UBE2D2: variants seen among roughly 807,000 people sequenced by gnomAD.
The protein encoded by UBE2D2 is ubiquitin-conjugating enzyme E2 D2.
A neutral mutation model predicts 24.2 loss-of-function variants in UBE2D2; 2 were observed. The observed-to-expected ratio is 0.08, with a 90% CI of 0.03 to 0.26. UBE2D2 has a LOEUF of 0.26. UBE2D2 is among the 10% of genes least tolerant of loss of function. The pLI is 1.00. For missense variants in UBE2D2, 44 were observed against 177.6 expected, an observed-to-expected ratio of 0.25 and a Z score of 4.28; for synonymous variants, 58 against 56.5, an observed-to-expected ratio of 1.03 and a Z score of -0.12.
At chr5:139,533,680 A>C (rs1312206512) in intron 1 of UBE2D2, among the ~76,000 whole-genome samples, 1 of 152,060 alleles carries the variant, frequency 6.6e-6, no homozygotes, top group Non-Finnish European at 1.5e-5. Flanking sequence ...AAGAAAAGAA[A>C]AGGATTGATA....
At chr5:139,562,036 C>A in intron 1 of UBE2D2, 1 of 830,826 alleles carries the variant, frequency 1.2e-6, no homozygotes, top group Non-Finnish European at 1.8e-6. Context: ...CTCAGCGTTC[C>A]TCCCCGGCTG....
At chr5:139,550,560 C>T (rs970953221) in intron 1 of UBE2D2, among the ~76,000 whole-genome samples, 7 of 152,090 alleles carry the variant, frequency 4.6e-5, no homozygotes, top group African/African-American at 1.7e-4. Context: ...GGTTCTCTTC[C>T]ACGCTCACGC....
chr5:139,555,924 C>CAA (rs1168084041), intron 1 of UBE2D2, among the ~76,000 whole-genome samples: 108 of 9,322 alleles, frequency 0.012, 26 homozygotes, highest in Non-Finnish European at 0.017. Flanking sequence ...GACTCCATCT[C>CAA]AAAAAAAAAA....
intron 1 of UBE2D2, among the ~76,000 whole-genome samples, chr5:139,574,123 C>G (rs1189401458): frequency 6.8e-6 from 1 of 147,934 alleles, no homozygotes; most frequent in South Asian, 2.2e-4. Flanking sequence ...TCTTGTTGCC[C>G]AGGCTGGAGT....
chr5:139,545,503 T>C (rs1339559060), intron 1 of UBE2D2, among the ~76,000 whole-genome samples: 2 of 151,822 alleles, frequency 1.3e-5, no homozygotes, highest in African/African-American at 4.8e-5. Flanking sequence ...CTAGGCTCAC[T>C]GCAACTTCCG....
At position 139,561,585 on chromosome 5, in the gene UBE2D2, G is replaced by T; in HGVS notation, c.-207G>T. 1 of 426,150 alleles carries T rather than the reference G, an allele frequency of 2.3e-6. No homozygotes were observed. The allele number at this position is 426,150 out of a possible 1,614,324, so 26.4% of individuals were successfully genotyped here. On this transcript the variant is annotated 5_prime_UTR_variant, in exon 1 of 7. Coordinates refer to ENST00000398733, the MANE Select transcript of UBE2D2 (RefSeq NM_003339.3). ...GGCGGCGGCGAATAAAGGGGCCGCCGCCGGGTGATGCGGTGACCGCTGCGG... is the reference window on the plus strand; with the variant it reads ...GGCGGCGGCGAATAAAGGGGCCGCCTCCGGGTGATGCGGTGACCGCTGCGG...
chr5:139,624,196 T>C (rs1028833368), intron 6 of UBE2D2, among the ~76,000 whole-genome samples: 3 of 152,216 alleles, frequency 2.0e-5, no homozygotes, highest in African/African-American at 7.2e-5. Flanking sequence ...CCAAATTTCT[T>C]TTAAAAACAA....
intron 6 of UBE2D2, among the ~76,000 whole-genome samples, chr5:139,625,972 C>G: frequency 6.6e-6 from 1 of 152,196 alleles, no homozygotes; most frequent in Middle Eastern, 3.4e-3. Flanking sequence ...AAATGTTCTT[C>G]TGAAGCAATA....
In UBE2D2 at chr5:139,613,726, A is replaced by G. The variant is rs535557851; in HGVS notation, c.89-860A>G. ...GAAATTTTTTCTCCTTGTTAAAACC[A>G]GTCTTTCTTAATTTGAGTATTATCT... On this transcript the variant is annotated intron_variant, in intron 2 of 6. Coordinates refer to ENST00000398733, the MANE Select transcript of UBE2D2 (RefSeq NM_003339.3). 9.9e-5 allele frequency among the ~76,000 whole-genome samples: 15 copies of G among 152,250 alleles called. No homozygotes were observed. In the East Asian group the frequency reaches 2.7e-3, roughly 27 times the overall value.
chr5:139,604,812 T>C (rs1389140869), intron 2 of UBE2D2, among the ~76,000 whole-genome samples: 1 of 151,652 alleles, frequency 6.6e-6, no homozygotes, highest in Non-Finnish European at 1.5e-5. Flanking sequence ...CCCAGAAGTT[T>C]GAGGCTGCAG....
chr5:139,538,377 C>T (rs976276592), intron 1 of UBE2D2, among the ~76,000 whole-genome samples: 1 of 152,124 alleles, frequency 6.6e-6, no homozygotes, highest in Non-Finnish European at 1.5e-5. Flanking sequence ...AGAAGTAACC[C>T]AAGTGTCCAT....
intron 1 of UBE2D2, among the ~76,000 whole-genome samples, chr5:139,599,315 A>T (rs1754023588): frequency 6.6e-6 from 1 of 152,096 alleles, no homozygotes; most frequent in South Asian, 2.1e-4. Context: ...AACTTGTCAG[A>T]TGGTCCAGTA....
intron 1 of UBE2D2, among the ~76,000 whole-genome samples, chr5:139,537,108 G>A (rs1324633283): frequency 2.6e-5 from 4 of 151,562 alleles, no homozygotes; most frequent in East Asian, 1.9e-4. Context: ...GCATGAACCC[G>A]GGAGGCGGTG....
chr5:139,552,170 T>C (rs1284192451), intron 1 of UBE2D2, among the ~76,000 whole-genome samples: 1 of 152,002 alleles, frequency 6.6e-6, no homozygotes, highest in East Asian at 1.9e-4. Flanking sequence ...TAACTTTTTT[T>C]TTTTTTTTTT....
intron 1 of UBE2D2, among the ~76,000 whole-genome samples, chr5:139,584,725 G>T (rs1753688593): frequency 6.6e-6 from 1 of 151,176 alleles, no homozygotes; most frequent in South Asian, 2.1e-4. Context: ...CAGAGACCGG[G>T]TTTCACCATG....
intron 1 of UBE2D2, among the ~76,000 whole-genome samples, chr5:139,596,912 T>C (rs1419009611): frequency 1.3e-5 from 2 of 151,848 alleles, no homozygotes; most frequent in African/African-American, 4.8e-5. Flanking sequence ...CCCGGCGTGG[T>C]GGTGGGCACC....
At chr5:139,623,830 T>C (rs1157991650) in intron 6 of UBE2D2, among the ~76,000 whole-genome samples, 1 of 152,120 alleles carries the variant, frequency 6.6e-6, no homozygotes, top group East Asian at 1.9e-4. Context: ...TAGATGGGAT[T>C]ACAGGCGCAG....
At chr5:139,585,828 TAGGG>T (rs1283934909) in intron 1 of UBE2D2, among the ~76,000 whole-genome samples, 1 of 147,064 alleles carries the variant, frequency 6.8e-6, no homozygotes, top group Non-Finnish European at 1.5e-5. Context: ...AAATGAAACA[TAGGG>T]AGGCTGAGGG....
chr5:139,578,681 G>A (rs1295872644), intron 1 of UBE2D2, among the ~76,000 whole-genome samples: 1 of 151,986 alleles, frequency 6.6e-6, no homozygotes, highest in Non-Finnish European at 1.5e-5. Flanking sequence ...TCAAACTCCT[G>A]TATTCAAGTG....
Sources: gnomAD v4.1 joint callset for allele counts (sites outside exome capture counted in the v4.1 genomes callset) on GRCh38, gnomAD v4.1.1 for gene constraint, MANE v1.5 for transcripts, NCBI Gene and HGNC (gene_info 2026-07-23, HGNC 2026-07-21) for gene names.